Variants in SLC24A2 observed in about 807,000 individuals in gnomAD.
SLC24A2 encodes the protein sodium/potassium/calcium exchanger 2.
SLC24A2 carries 36 observed loss-of-function variants against 62.0 expected under a neutral mutation model. The observed-to-expected ratio is 0.58, with a 90% CI of 0.44 to 0.77. The LOEUF is 0.77. Among genes scored for constraint, SLC24A2 ranks in the 30% least tolerant of loss-of-function variants. The pLI is 0.00. For missense variants in SLC24A2, 846 were observed against 817.9 expected (o/e 1.03, Z -0.42); for synonymous variants, 358 against 294.0 (o/e 1.22, Z -2.23).
At chr9:20,202,049 TGGTGTGTGTGTG>T in the SLC24A2 span, among the ~76,000 whole-genome samples, 1 of 119,802 alleles carries the variant, frequency 8.3e-6, no homozygotes, top group Admixed American at 9.5e-5. Flanking sequence ...TCCCATTTCA[TGGTGTGTGTGTG>T]TGTGTGTGTG....
intron 2 of SLC24A2, among the ~76,000 whole-genome samples, chr9:19,719,815 G>A (rs1377541852): frequency 6.6e-6 from 1 of 151,992 alleles, no homozygotes; most frequent in African/African-American, 2.4e-5. Flanking sequence ...GCTCTCTTTG[G>A]GTTTCCATTA....
At chr9:19,926,066 T>C in the SLC24A2 span, 22 of 152,180 alleles carry the variant, frequency 1.4e-4, no homozygotes, top group African/African-American at 4.8e-4. Context: ...ACCCTTTGTG[T>C]TGAGTATGTC....
chr9:19,513,155 T>TAG lies in SLC24A2; in HGVS notation c.*2997_*2998insCT, dbSNP rs1832781740. On this transcript the variant is annotated 3_prime_UTR_variant, in exon 11 of 11. Coordinates refer to ENST00000341998, the MANE Select transcript of SLC24A2 (RefSeq NM_020344.4). Reference sequence around the variant, plus strand: ...TGTACATATAGATCTGGTATAAAGATATATATATATATATATATATGTATA... The same window carrying TAG: ...TGTACATATAGATCTGGTATAAAGATAGATATATATATATATATATATGTATA... 2 of 55,820 alleles carry TAG rather than the reference T, an allele frequency of 3.6e-5. No individual in the cohort carries two copies. Among genetic ancestry groups the TAG allele is most frequent in the Admixed American group, 1.6e-4 (1 of 6,076 alleles). 3.5% of individuals were successfully genotyped at this position (55,820 alleles called of 1,614,324 possible).
At chr9:19,982,706 C>G in the SLC24A2 span, among the ~76,000 whole-genome samples, 2,235 of 152,156 alleles carry the variant, frequency 0.015, 50 homozygotes, top group African/African-American at 0.05. Context: ...TACCCTAATA[C>G]CAAAAGCCAG....
At chr9:19,516,497 C>G in intron 10 of SLC24A2, 95 bp from the exon 11 acceptor site, 1 of 1,432,002 alleles carries the variant, frequency 7.0e-7, no homozygotes, top group Non-Finnish European at 9.6e-7. Context: ...ATTACCTTCT[C>G]AGGAACTCTA....
the SLC24A2 span, among the ~76,000 whole-genome samples, chr9:20,070,734 A>T: frequency 6.6e-6 from 1 of 152,214 alleles, no homozygotes; most frequent in Admixed American, 6.5e-5. Context: ...AATGCTCAAA[A>T]ACCCTCTAAG....
the SLC24A2 span, among the ~76,000 whole-genome samples, chr9:19,813,317 CTTT>C: frequency 2.1e-4 from 18 of 86,282 alleles, no homozygotes; most frequent in Admixed American, 9.8e-4. Flanking sequence ...TCATCTTCCT[CTTT>C]TTTTTTTTTT....
At chr9:20,041,152 G>GCGTGCGCGCGTGCGCGCGTGCGCA in the SLC24A2 span, among the ~76,000 whole-genome samples, 1 of 151,808 alleles carries the variant, frequency 6.6e-6, no homozygotes, top group African/African-American at 2.4e-5. Context: ...GTGTGTGTAC[G>GCGTGCGCGCGTGCGCGCGTGCGCA]CGTGCGCGCG....
chr9:19,566,980 G>A (rs1395576570), intron 7 of SLC24A2, among the ~76,000 whole-genome samples: 1 of 151,584 alleles, frequency 6.6e-6, no homozygotes, highest in Non-Finnish European at 1.5e-5. Flanking sequence ...GAGGGGGGAT[G>A]GAAAGCATTA....
At chr9:20,128,128 T>A in the SLC24A2 span, among the ~76,000 whole-genome samples, 46 of 152,240 alleles carry the variant, frequency 3.0e-4, no homozygotes, top group South Asian at 8.5e-3. Context: ...CAGGTCCAAG[T>A]CAGCTGCTTA....
At chr9:20,219,169 G>C in the SLC24A2 span, among the ~76,000 whole-genome samples, 1 of 152,202 alleles carries the variant, frequency 6.6e-6, no homozygotes. Context: ...TGGTTTCAGA[G>C]AGAGACACTG....
chr9:20,105,535 T>G, the SLC24A2 span, among the ~76,000 whole-genome samples: 2 of 152,036 alleles, frequency 1.3e-5, no homozygotes, highest in Admixed American at 1.3e-4. Flanking sequence ...GAACTCAGGA[T>G]TAAGAATCTC....
chr9:19,888,056 T>C, the SLC24A2 span, among the ~76,000 whole-genome samples: 4 of 152,100 alleles, frequency 2.6e-5, no homozygotes, highest in African/African-American at 9.7e-5. Flanking sequence ...TACACCAAAA[T>C]CTCACAAATA....
chr9:20,097,963 C>A, the SLC24A2 span, among the ~76,000 whole-genome samples: 1 of 151,612 alleles, frequency 6.6e-6, no homozygotes, highest in Non-Finnish European at 1.5e-5. Context: ...AGTATGGTCT[C>A]GATCTCCTGA....
At chr9:19,521,451 A>G (rs984501042) in intron 9 of SLC24A2, among the ~76,000 whole-genome samples, 1 of 152,200 alleles carries the variant, frequency 6.6e-6, no homozygotes, top group Non-Finnish European at 1.5e-5. Context: ...TTTGCCCTTC[A>G]ACTTACTACC....
intron 2 of SLC24A2, among the ~76,000 whole-genome samples, chr9:19,742,473 A>G (rs1390825969): frequency 6.6e-6 from 1 of 152,228 alleles, no homozygotes; most frequent in Non-Finnish European, 1.5e-5. Context: ...TAATGCCCTA[A>G]GTTAGGAACT....
chr9:20,285,294 T>G, the SLC24A2 span, among the ~76,000 whole-genome samples: 5 of 152,198 alleles, frequency 3.3e-5, no homozygotes, highest in African/African-American at 1.2e-4. Flanking sequence ...ATATATAATA[T>G]GTAGAAAGAG....
chr9:20,229,316 C>A, the SLC24A2 span, among the ~76,000 whole-genome samples: 3 of 152,068 alleles, frequency 2.0e-5, no homozygotes, highest in Non-Finnish European at 4.4e-5. Context: ...CTCTGGTGTT[C>A]TTCTCTATAT....
At chr9:20,215,927 A>T in the SLC24A2 span, among the ~76,000 whole-genome samples, 1 of 152,170 alleles carries the variant, frequency 6.6e-6, no homozygotes, top group African/African-American at 2.4e-5. Flanking sequence ...CTGAGGTCTT[A>T]CTGTACAGCC....
Sources: allele counts gnomAD v4.1 joint callset (sites outside exome capture counted in the v4.1 genomes callset), GRCh38; gene constraint gnomAD v4.1.1; transcripts MANE v1.5; gene names NCBI Gene and HGNC (gene_info 2026-07-23, HGNC 2026-07-21).